The following SPATA18 variants were observed in gnomAD, a reference collection of about 807,000 sequenced individuals.
The protein encoded by SPATA18 is mitochondria-eating protein.
SPATA18 carries 54 observed loss-of-function variants against 68.1 expected under a neutral mutation model. The ratio of observed to expected loss-of-function variants is 0.79; its 90% CI spans 0.64 to 0.99. SPATA18 has a LOEUF of 0.99. SPATA18 is among the 50% of genes least tolerant of loss of function. The pLI, the probability that SPATA18 is intolerant of heterozygous loss-of-function variation, is 0.00. For synonymous variants in SPATA18, 242 were observed against 244.8 expected, an observed-to-expected ratio of 0.99 and a Z score of 0.11; for missense variants, 724 against 681.1, an observed-to-expected ratio of 1.06 and a Z score of -0.70.
At position 52,091,193 on chromosome 4, in the gene SPATA18, T is replaced by C. The variant is rs575445765; in HGVS notation, c.1564-3334T>C. Among the ~76,000 whole-genome samples, 16 of 152,216 alleles carry C rather than the reference T, an allele frequency of 1.1e-4. No individual in the cohort carries two copies. The East Asian group carries it at 3.1e-3, about 30-fold the overall frequency. ...ATTCTAGTTAGCAATTCGACTAACC[T>C]TTTTTCAAGGTTCTTAGCTTCCTTG... On this transcript the variant is annotated intron_variant, in intron 11 of 12. Transcript: ENST00000295213.
rs769436985 is a variant in SPATA18, at chr4:52,076,911, G to A, written c.891G>A (p.Ala297=). The A allele has an allele frequency of 8.1e-6, 13 of 1,614,184 alleles. No individual in the cohort carries two copies. The East Asian group carries it at 1.3e-4, about 17-fold the overall frequency. Residue 297 remains alanine (A), a synonymous_variant, in exon 7 of 13, where the codon GCG becomes GCA. Coordinates refer to ENST00000295213, the MANE Select transcript of SPATA18 (RefSeq NM_145263.4). Reference sequence around the variant, plus strand: ...ACCGCTCCAAGCTGTCCAATGTGGCGCGCAAGGCTGCCCTCTTGTCCCGGT... The same window carrying A: ...ACCGCTCCAAGCTGTCCAATGTGGCACGCAAGGCTGCCCTCTTGTCCCGGT... ...SPNRSKLSNV[A]RKAALLSRFS...
At chr4:52,070,040 TTATA>T (rs34106590) in intron 5 of SPATA18, 124 bp downstream of exon 5, 94 of 240,672 alleles carry the variant, frequency 3.9e-4, no homozygotes, top group Non-Finnish European at 5.8e-4. Flanking sequence ...TTTTTATTAA[TTATA>T]TATATATATA....
chr4:52,055,642 A>G (rs1042492048), intron 1 of SPATA18, among the ~76,000 whole-genome samples: 2 of 152,072 alleles, frequency 1.3e-5, no homozygotes, highest in African/African-American at 2.4e-5. Context: ...TCTTCATTGC[A>G]TATAGGAATT....
chr4:52,079,911 T>C lies in SPATA18; in HGVS notation c.1347T>C (p.Asn449=), dbSNP rs1331515504. The change falls in exon 9 of 13, where the codon AAT becomes AAC. Residue 449 remains asparagine, a synonymous_variant. Coordinates refer to ENST00000295213, the MANE Select transcript of SPATA18 (RefSeq NM_145263.4). ...IAYGADGEVF[N]DCKYRRSYDS... ...ATGGAGCAGATGGAGAAGTTTTTAA[T>C]GATTGCAAGTAAGAGACACAGGAGC... 1.2e-6 allele frequency: 2 copies of C among 1,612,340 alleles called. No homozygotes were observed. Among genetic ancestry groups the C allele is most frequent in the Non-Finnish European group, 8.5e-7 (1 of 1,179,374 alleles).
At chr4:52,054,808 A>G (rs1738196021) in intron 1 of SPATA18, among the ~76,000 whole-genome samples, 1 of 151,412 alleles carries the variant, frequency 6.6e-6, no homozygotes, top group African/African-American at 2.4e-5. Context: ...TCTGGTGGTC[A>G]GTGAGTTGCA....
At chr4:52,068,853 T>C (rs951758062) in intron 4 of SPATA18, among the ~76,000 whole-genome samples, 1 of 152,106 alleles carries the variant, frequency 6.6e-6, no homozygotes, top group African/African-American at 2.4e-5. Context: ...TCATTCAGTA[T>C]CATCTATCTC....
At chr4:52,061,874 T>C (rs768107490) in intron 3 of SPATA18, among the ~76,000 whole-genome samples, 12 of 152,178 alleles carry the variant, frequency 7.9e-5, no homozygotes, top group Admixed American at 2.6e-4. Context: ...TTATTCTAGG[T>C]ATAAAGATGT....
intron 11 of SPATA18, among the ~76,000 whole-genome samples, chr4:52,089,138 T>C (rs1478635743): frequency 2.0e-5 from 3 of 152,196 alleles, no homozygotes; most frequent in Admixed American, 1.3e-4. Context: ...ACCCCTCTTA[T>C]CATTTTTTAT....
At chr4:52,093,962 CTTGATTCA>C (rs1742199909) in intron 11 of SPATA18, among the ~76,000 whole-genome samples, 3 of 152,140 alleles carry the variant, frequency 2.0e-5, no homozygotes. Flanking sequence ...ATGTGGGGGT[CTTGATTCA>C]TCCAGAATGG....
intron 9 of SPATA18, 70 bp from the exon 10 acceptor site, chr4:52,082,317 C>A: frequency 1.4e-6 from 2 of 1,396,166 alleles, no homozygotes; most frequent in East Asian, 2.3e-5. Flanking sequence ...AGAATTCACA[C>A]TGATGTTTTC....
At chr4:52,060,650 G>A (rs551177428) in intron 2 of SPATA18, 126 bp downstream of exon 2, 3 of 1,130,400 alleles carry the variant, frequency 2.7e-6, no homozygotes, top group Admixed American at 2.2e-5. Flanking sequence ...CCTGATGTGT[G>A]TATTCTCTCT....
chr4:52,078,499 T>A, intron 7 of SPATA18: 3 of 365,870 alleles, frequency 8.2e-6, no homozygotes, highest in Non-Finnish European at 1.5e-5. Context: ...GCACTCAGAA[T>A]TTCTAGAATA....
chr4:52,077,724 A>T (rs1413815444), intron 7 of SPATA18, among the ~76,000 whole-genome samples: 1 of 152,140 alleles, frequency 6.6e-6, no homozygotes, highest in African/African-American at 2.4e-5. Flanking sequence ...GAAGGCTGTG[A>T]TTGTATTAAT....
chr4:52,077,164 T>A, intron 7 of SPATA18, 124 bp downstream of exon 7: 2 of 1,032,186 alleles, frequency 1.9e-6, no homozygotes, highest in Non-Finnish European at 2.8e-6. Context: ...GAGATTCCAG[T>A]CTCCCCATCT....
chr4:52,073,203 TTTACACCATG>T (rs1467202314), intron 6 of SPATA18, among the ~76,000 whole-genome samples: 1 of 152,142 alleles, frequency 6.6e-6, no homozygotes, highest in African/African-American at 2.4e-5. Context: ...GGTGGTAGTA[TTTACACCATG>T]GGAATTGGAA....
At chr4:52,056,647 G>A (rs1049050079) in intron 1 of SPATA18, among the ~76,000 whole-genome samples, 6 of 151,926 alleles carry the variant, frequency 3.9e-5, no homozygotes, top group Non-Finnish European at 7.4e-5. Context: ...TGCTGAAATC[G>A]GTGGGACCTT....
rs764884014 is a variant in SPATA18, at chr4:52,069,865, C to A, written c.467C>A (p.Ser156Ter). 22 of 1,596,076 alleles carry A rather than the reference C, an allele frequency of 1.4e-5. No individual in the cohort carries two copies. Among genetic ancestry groups the A allele is most frequent in the Admixed American group, 1.0e-4 (6 of 59,512 alleles). ...EKNLEESKNR[S>*]AISLLAAEEE... The stretch of plus-strand genomic sequence containing the variant: ...AATCTTGAAGAAAGCAAGAACAGAT[C>A]GGCCATATCCCTTTTGGCTGCAGAG... The change falls in exon 5 of 13, where the codon TCG becomes TAG. Residue 156 changes from serine to a stop codon, truncating the protein, a stop_gained. Coordinates refer to ENST00000295213, the MANE Select transcript of SPATA18 (RefSeq NM_145263.4). LOFTEE classifies it high-confidence loss of function.
chr4:52,079,776 G>T lies in SPATA18; in HGVS notation c.1212G>T (p.Lys404Asn). Reference sequence around the variant, plus strand: ...TCCGAGCCATGAATGTCAATCCCAAGATTTCATTCCCTCCTGTCGTTGACT... The same window carrying T: ...TCCGAGCCATGAATGTCAATCCCAATATTTCATTCCCTCCTGTCGTTGACT... ...DVIRAMNVNP[K>N]ISFPPVVDFC... The change falls in exon 9 of 13, where the codon AAG becomes AAT. Residue 404 changes from lysine (K) to asparagine (N), a missense_variant. Coordinates refer to ENST00000295213, the MANE Select transcript of SPATA18 (RefSeq NM_145263.4). The T allele has an allele frequency of 1.2e-6, 2 of 1,613,952 alleles. No individual in the cohort carries two copies. Among genetic ancestry groups the T allele is most frequent in the South Asian group, 1.1e-5 (1 of 91,064 alleles).
intron 4 of SPATA18, among the ~76,000 whole-genome samples, chr4:52,068,552 G>A (rs1248837428): frequency 1.3e-5 from 2 of 152,224 alleles, no homozygotes; most frequent in Non-Finnish European, 2.9e-5. Flanking sequence ...GGAAGCAGGT[G>A]GGGGATGGAA....
Sources: gnomAD v4.1 joint callset for allele counts (sites outside exome capture counted in the v4.1 genomes callset) on GRCh38, gnomAD v4.1.1 for gene constraint, MANE v1.5 for transcripts, NCBI Gene and HGNC (gene_info 2026-07-23, HGNC 2026-07-21) for gene names.